The following MNAT1 variants were observed in gnomAD, a reference collection of about 807,000 sequenced individuals.
The protein encoded by MNAT1 is CDK-activating kinase assembly factor MAT1.
Under a neutral mutation model 42.0 loss-of-function variants are expected in MNAT1, and 43 were observed. The ratio of observed to expected loss-of-function variants is 1.02; its 90% CI spans 0.80 to 1.32. The LOEUF is 1.32. MNAT1 is among the 40% of genes most tolerant of loss of function. MNAT1 has a pLI of 0.00. For missense variants in MNAT1, 306 were observed against 350.4 expected (o/e 0.87, Z 1.01); for synonymous variants, 118 against 120.0 (o/e 0.98, Z 0.11).
chr14:60,837,117 G>A (rs1415341893), intron 6 of MNAT1, among the ~76,000 whole-genome samples: 4 of 152,204 alleles, frequency 2.6e-5, no homozygotes, highest in Admixed American at 2.6e-4. Context: ...TGTTGTGCTG[G>A]CAGTGAGAAT....
intron 6 of MNAT1, among the ~76,000 whole-genome samples, chr14:60,835,001 C>G (rs528628854): frequency 6.2e-5 from 9 of 146,336 alleles, no homozygotes; most frequent in Non-Finnish European, 1.4e-4. Flanking sequence ...CCCTCCCTCC[C>G]TCCCTCCCTC....
chr14:60,900,489 G>A (rs2035051251), intron 7 of MNAT1, among the ~76,000 whole-genome samples: 1 of 152,120 alleles, frequency 6.6e-6, no homozygotes, highest in Non-Finnish European at 1.5e-5. Flanking sequence ...AGAAAGGTGA[G>A]GAAGCTACAG....
intron 1 of MNAT1, among the ~76,000 whole-genome samples, chr14:60,760,346 A>G (rs568900627): frequency 1.3e-5 from 2 of 152,212 alleles, no homozygotes; most frequent in South Asian, 4.1e-4. Flanking sequence ...TTTAAAGTGC[A>G]CTGGTTAATT....
At chr14:60,921,394 A>G (rs1221509453) in intron 7 of MNAT1, among the ~76,000 whole-genome samples, 6 of 152,210 alleles carry the variant, frequency 3.9e-5, no homozygotes, top group African/African-American at 1.4e-4. Context: ...CAAACAGAAG[A>G]AAAATTACCA....
chr14:60,735,208 G>A (rs1385853238), intron 1 of MNAT1, among the ~76,000 whole-genome samples: 1 of 152,196 alleles, frequency 6.6e-6, no homozygotes, highest in East Asian at 1.9e-4. Context: ...TAGCCAATGA[G>A]TATCCCGACT....
intron 6 of MNAT1, among the ~76,000 whole-genome samples, chr14:60,860,563 C>T (rs2034073407): frequency 6.6e-6 from 1 of 151,934 alleles, no homozygotes; most frequent in Non-Finnish European, 1.5e-5. Flanking sequence ...CCTTGTTAGC[C>T]AGGATGGTCT....
At chr14:60,797,753 C>G (rs553301876) in intron 2 of MNAT1, among the ~76,000 whole-genome samples, 14 of 151,928 alleles carry the variant, frequency 9.2e-5, no homozygotes, top group Non-Finnish European at 4.4e-5. Flanking sequence ...TGGTGAAGTC[C>G]CATCTCTACT....
chr14:60,790,323 G>T (rs917544142), intron 1 of MNAT1, among the ~76,000 whole-genome samples: 5 of 152,130 alleles, frequency 3.3e-5, no homozygotes, highest in Non-Finnish European at 5.9e-5. Flanking sequence ...TCTATTGAAA[G>T]TCATTCCTCT....
chr14:60,813,909 T>C (rs1415661854), intron 5 of MNAT1, among the ~76,000 whole-genome samples: 1 of 152,198 alleles, frequency 6.6e-6, no homozygotes, highest in Non-Finnish European at 1.5e-5. Context: ...CTAAGAACGA[T>C]GTTAAAATGA....
chr14:60,826,733 G>C (rs183195718), intron 6 of MNAT1, among the ~76,000 whole-genome samples: 1 of 151,888 alleles, frequency 6.6e-6, no homozygotes, highest in African/African-American at 2.4e-5. Flanking sequence ...TGATCTATTT[G>C]GTTCAAATCC....
chr14:60,833,298 G>A (rs2033278771), intron 6 of MNAT1, among the ~76,000 whole-genome samples: 1 of 152,156 alleles, frequency 6.6e-6, no homozygotes, highest in South Asian at 2.1e-4. Context: ...CATTCCGTAT[G>A]ATATTGGCTA....
intron 1 of MNAT1, among the ~76,000 whole-genome samples, chr14:60,765,339 A>C (rs1411143562): frequency 6.6e-6 from 1 of 152,086 alleles, no homozygotes; most frequent in African/African-American, 2.4e-5. Context: ...ACATGGACAC[A>C]GGGAGGGAAA....
At chr14:60,929,172 T>A (rs866344110) in intron 7 of MNAT1, among the ~76,000 whole-genome samples, 4 of 118,716 alleles carry the variant, frequency 3.4e-5, no homozygotes, top group African/African-American at 1.3e-4. Context: ...AAAAAAAAAA[T>A]ATATATATAT....
intron 7 of MNAT1, among the ~76,000 whole-genome samples, chr14:60,935,202 A>G (rs1254765825): frequency 6.6e-6 from 1 of 152,032 alleles, no homozygotes; most frequent in African/African-American, 2.4e-5. Flanking sequence ...GAAGAGGACC[A>G]TTTGTGTTAC....
chr14:60,869,045 T>A lies in MNAT1; in HGVS notation c.688-10669T>A, dbSNP rs951341717. On this transcript the variant is annotated intron_variant, in intron 6 of 7. Transcript: ENST00000261245. Reference sequence around the variant, plus strand: ...ATACATATATATATATATATATTTTTTTTTTTTTTTTTGAGACGGAGTCTC... The same window carrying A: ...ATACATATATATATATATATATTTTATTTTTTTTTTTTGAGACGGAGTCTC... 4.8e-3 allele frequency among the ~76,000 whole-genome samples: 672 copies of A among 140,788 alleles called. 6 individuals are homozygous for A. The highest frequency in any genetic ancestry group is 0.037 in the East Asian group (179 of 4,826). The allele number at this position is 140,788 out of a possible 152,430, so 92.4% of individuals were successfully genotyped here. A position where few individuals can be genotyped will look rare whatever the true frequency, so the allele number is the denominator to read the frequency against.
At chr14:60,742,336 C>T (rs777645236) in intron 1 of MNAT1, among the ~76,000 whole-genome samples, 2 of 152,128 alleles carry the variant, frequency 1.3e-5, no homozygotes, top group African/African-American at 2.4e-5. Context: ...GATCTACCCA[C>T]CTCAGCCTCC....
At chr14:60,938,226 C>G (rs1359283439) in intron 7 of MNAT1, among the ~76,000 whole-genome samples, 1 of 152,118 alleles carries the variant, frequency 6.6e-6, no homozygotes, top group Non-Finnish European at 1.5e-5. Flanking sequence ...ATTTCTTTCT[C>G]CTGCCTGATT....
chr14:60,886,095 C>T (rs934999691), intron 7 of MNAT1, among the ~76,000 whole-genome samples: 1 of 151,926 alleles, frequency 6.6e-6, no homozygotes, highest in African/African-American at 2.4e-5. Flanking sequence ...TTTCTGGGCT[C>T]CCTATTCTGT....
chr14:60,938,650 A>AG (rs1287263941), intron 7 of MNAT1, among the ~76,000 whole-genome samples: 1 of 152,102 alleles, frequency 6.6e-6, no homozygotes, highest in Non-Finnish European at 1.5e-5. Flanking sequence ...TTTTTTGAGA[A>AG]TTTTTGTATC....
Sources: allele counts gnomAD v4.1 joint callset (sites outside exome capture counted in the v4.1 genomes callset), GRCh38; gene constraint gnomAD v4.1.1; transcripts MANE v1.5; gene names NCBI Gene and HGNC (gene_info 2026-07-23, HGNC 2026-07-21).